The following MYH15 variants were observed in gnomAD, a reference collection of about 807,000 sequenced individuals.
MYH15 encodes the protein myosin heavy chain 15.
A neutral mutation model predicts 240.5 loss-of-function variants in MYH15; 227 were observed. That is an observed-to-expected ratio of 0.94 (90% CI 0.85 to 1.05). The LOEUF (loss-of-function observed/expected upper bound fraction) is 1.05. Among genes scored for constraint, MYH15 ranks in the 50% least tolerant of loss-of-function variants. The pLI is 0.00. For synonymous variants in MYH15, 785 were observed against 796.7 expected (o/e 0.99, Z 0.25); for missense variants, 2,217 against 2,247.5 (o/e 0.99, Z 0.27).
chr3:108,482,410 A>T (rs2083274673), intron 11 of MYH15, among the ~76,000 whole-genome samples: 1 of 152,160 alleles, frequency 6.6e-6, no homozygotes, highest in Non-Finnish European at 1.5e-5. Context: ...ACCTGAGAAG[A>T]AGCCAAAAGG....
At chr3:108,381,973 C>T (rs1163940421) in intron 40 of MYH15, among the ~76,000 whole-genome samples, 2 of 152,308 alleles carry the variant, frequency 1.3e-5, no homozygotes, top group East Asian at 3.9e-4. Context: ...TTAGTCATTG[C>T]ACTGCCAAGG....
chr3:108,388,308 G>T (rs2082398575), intron 38 of MYH15, among the ~76,000 whole-genome samples: 2 of 152,188 alleles, frequency 1.3e-5, no homozygotes, highest in African/African-American at 4.8e-5. Flanking sequence ...GCATTAGAAG[G>T]AAAAGGGAAG....
At chr3:108,461,461 C>T (rs528813643) in intron 16 of MYH15, among the ~76,000 whole-genome samples, 1 of 152,210 alleles carries the variant, frequency 6.6e-6, no homozygotes, top group East Asian at 1.9e-4. Flanking sequence ...CAAGTATTTT[C>T]AGAGGGTGCT....
upstream of MYH15, among the ~76,000 whole-genome samples, chr3:108,511,338 T>C (rs2083521335): frequency 6.6e-6 from 1 of 152,092 alleles, no homozygotes; most frequent in Non-Finnish European, 1.5e-5. Context: ...AGAGCAGTAA[T>C]GAAGAAGCCC....
intron 28 of MYH15, among the ~76,000 whole-genome samples, chr3:108,417,898 C>T (rs978043506): frequency 3.9e-5 from 6 of 151,928 alleles, no homozygotes; most frequent in Admixed American, 6.6e-5. Context: ...TAAATCACAT[C>T]GCATACAATA....
intron 25 of MYH15, among the ~76,000 whole-genome samples, chr3:108,434,106 A>ATGTATTTAATATTAAATATTGT (rs6148008): frequency 1.4e-5 from 2 of 142,870 alleles, no homozygotes; most frequent in Non-Finnish European, 1.5e-5. Context: ...TATATTAAAT[A>ATGTATTTAATATTAAATATTGT]TGTATTTAAT....
At chr3:108,389,918 A>G (rs974201715) in intron 37 of MYH15, among the ~76,000 whole-genome samples, 2 of 152,168 alleles carry the variant, frequency 1.3e-5, no homozygotes, top group Middle Eastern at 3.2e-3. Flanking sequence ...GAATGTGCCT[A>G]GCACATCTGA....
At chr3:108,484,993 A>G in intron 11 of MYH15, 98 bp downstream of exon 11, 1 of 1,300,228 alleles carries the variant, frequency 7.7e-7, no homozygotes, top group African/African-American at 1.5e-5. Flanking sequence ...ACTATTGATT[A>G]ATTTTAAGTA....
At chr3:108,531,323 T>G (rs538222271), upstream of MYH15, among the ~76,000 whole-genome samples, 14 of 152,092 alleles carry the variant, frequency 9.2e-5, no homozygotes, top group African/African-American at 2.7e-4. Context: ...AAGGGCAGGG[T>G]GTGCTTGAAT....
chr3:108,534,198 G>A (rs1042641235), upstream of MYH15, among the ~76,000 whole-genome samples: 1 of 152,132 alleles, frequency 6.6e-6, no homozygotes, highest in Non-Finnish European at 1.5e-5. Context: ...AGGTTTTATA[G>A]AAAGCTGAAT....
intron 11 of MYH15, 107 bp downstream of exon 11, chr3:108,484,984 C>A: frequency 8.3e-7 from 1 of 1,207,258 alleles, no homozygotes; most frequent in Non-Finnish European, 1.2e-6. Flanking sequence ...AAGGGAGACA[C>A]TATTGATTAA....
At chr3:108,532,407 C>T (rs1290375763), upstream of MYH15, among the ~76,000 whole-genome samples, 1 of 152,142 alleles carries the variant, frequency 6.6e-6, no homozygotes, top group Admixed American at 6.5e-5. Context: ...GGACATCAGT[C>T]TTTTCTGGTC....
At chr3:108,532,121 A>G (rs969228996), upstream of MYH15, among the ~76,000 whole-genome samples, 5 of 152,142 alleles carry the variant, frequency 3.3e-5, no homozygotes, top group Admixed American at 3.3e-4. Context: ...CATTTTCCCT[A>G]TATAAAGATC....
At chr3:108,445,526 C>T (rs900318291) in intron 21 of MYH15, among the ~76,000 whole-genome samples, 1 of 151,630 alleles carries the variant, frequency 6.6e-6, no homozygotes, top group South Asian at 2.1e-4. Context: ...GATTTTTTTA[C>T]TGATAATAAA....
upstream of MYH15, among the ~76,000 whole-genome samples, chr3:108,533,653 A>G (rs553031926): frequency 5.3e-5 from 8 of 152,282 alleles, no homozygotes; most frequent in South Asian, 1.7e-3. Context: ...ATATTTCGTG[A>G]AAGACTTGGG....
At position 108,484,494 on chromosome 3, in the gene MYH15, T is replaced by A. The variant is rs576636506; in HGVS notation, c.1114+597A>T. 4.3e-4 allele frequency among the ~76,000 whole-genome samples: 66 copies of A among 152,312 alleles called. 1 individual carries two copies. The South Asian group carries it at 0.01, about 24-fold the overall frequency. On this transcript the variant is annotated intron_variant, in intron 11 of 40. Transcript: ENST00000693548. ...TTGTATTTTTATTTTATTTTATTTT[T>A]TTGAGACTGAGTCTCGCTCTGTCAC...
At position 108,529,154 on chromosome 3, in the gene MYH15, T is replaced by C. The variant is rs896530901; in HGVS notation, c.-58+109A>G. The C allele has an allele frequency of 6.2e-6, 6 of 972,634 alleles. No homozygotes were observed. The East Asian group carries it at 1.3e-4, about 20-fold the overall frequency. 60.3% of individuals were successfully genotyped at this position (972,634 alleles called of 1,614,324 possible). ...CTATTTTTATACTATCATGTAGTAA[T>C]TGGTGTGCTGCTGATTAAGACCATC... On this transcript the variant is annotated intron_variant, in intron 1 of 41. Transcript: ENST00000273353.
In MYH15 at chr3:108,444,797, T is replaced by C; in HGVS notation, c.2498A>G (p.Lys833Arg). The change falls in exon 22 of 41, where the codon AAA becomes AGA. Residue 833 changes from lysine (K) to arginine (R), a missense_variant. Lys to Arg is a conservative substitution (Grantham distance 26). Transcript: ENST00000693548. ...TACTTCTTCTCCTACTTCTGAAGAT[T>C]TAACAAGAGGCTTGATCTTGAAGAA... ...RLFFKIKPLV[K>R]SSEVGEEVAG... The C allele has an allele frequency of 1.2e-6, 2 of 1,614,136 alleles. No homozygotes were observed. Among genetic ancestry groups the C allele is most frequent in the Non-Finnish European group, 1.7e-6 (2 of 1,180,000 alleles).
intron 29 of MYH15, among the ~76,000 whole-genome samples, chr3:108,416,042 T>A (rs1450422934): frequency 6.6e-6 from 1 of 152,232 alleles, no homozygotes; most frequent in African/African-American, 2.4e-5. Flanking sequence ...TTCTATCTGC[T>A]TCATTTGACT....
Sources: gnomAD v4.1 joint callset for allele counts (sites outside exome capture counted in the v4.1 genomes callset) on GRCh38, gnomAD v4.1.1 for gene constraint, MANE v1.5 for transcripts, NCBI Gene and HGNC (gene_info 2026-07-23, HGNC 2026-07-21) for gene names.